Variants in SUGCT observed in about 807,000 individuals in gnomAD.
SUGCT encodes the protein succinyl-CoA:glutarate CoA-transferase.
A neutral mutation model predicts 55.0 loss-of-function variants in SUGCT; 41 were observed. That is an observed-to-expected ratio of 0.74 (90% CI 0.58 to 0.97). The LOEUF (loss-of-function observed/expected upper bound fraction) is 0.97, where lower values mean the gene tolerates loss of function less well. Ranked by LOEUF, SUGCT falls within the 50% of genes least tolerant of loss-of-function variation. The probability of loss-of-function intolerance (pLI) is 0.00; values close to 1 mark genes in which losing one functional copy is unlikely to be tolerated. For missense variants in SUGCT, 568 were observed against 547.8 expected (o/e 1.04, Z -0.37); for synonymous variants, 187 against 200.4 (o/e 0.93, Z 0.56).
intron 9 of SUGCT, among the ~76,000 whole-genome samples, chr7:40,361,748 C>T (rs1798165756): frequency 6.6e-6 from 1 of 151,964 alleles, no homozygotes; most frequent in Non-Finnish European, 1.5e-5. Context: ...ACTGGAGATA[C>T]AGACTTGGGA....
At chr7:40,914,261 T>TTTATTTTTTTC in the SUGCT span, among the ~76,000 whole-genome samples, 20 of 81,842 alleles carry the variant, frequency 2.4e-4, no homozygotes, top group African/African-American at 7.1e-4. Context: ...ATTTTATTTA[T>TTTATTTTTTTC]TTATTTTTTT....
intron 12 of SUGCT, among the ~76,000 whole-genome samples, chr7:40,599,879 A>G (rs1016780261): frequency 6.6e-6 from 1 of 152,146 alleles, no homozygotes; most frequent in African/African-American, 2.4e-5. Context: ...CAGCATTCAA[A>G]GAACCGGCAC....
chr7:40,763,759 C>G (rs1788648807), intron 13 of SUGCT, among the ~76,000 whole-genome samples: 1 of 152,146 alleles, frequency 6.6e-6, no homozygotes, highest in African/African-American at 2.4e-5. Flanking sequence ...ATTATAACTT[C>G]TCTTTGTGGT....
chr7:40,476,804 C>CTT (rs59726430), intron 11 of SUGCT, among the ~76,000 whole-genome samples: 23 of 144,266 alleles, frequency 1.6e-4, no homozygotes, highest in Non-Finnish European at 2.4e-4. Flanking sequence ...AGTTCTCATT[C>CTT]TTTTTTTTTT....
chr7:40,512,811 A>G (rs1272492057), intron 12 of SUGCT, among the ~76,000 whole-genome samples: 3 of 152,174 alleles, frequency 2.0e-5, no homozygotes, highest in African/African-American at 7.2e-5. Context: ...GCCAGAGGAT[A>G]GAGTGCAGAT....
chr7:40,654,636 T>C (rs960988199), intron 12 of SUGCT, among the ~76,000 whole-genome samples: 3 of 152,204 alleles, frequency 2.0e-5, no homozygotes, highest in African/African-American at 7.2e-5. Flanking sequence ...CACTATATGC[T>C]TCACACACAC....
intron 13 of SUGCT, among the ~76,000 whole-genome samples, chr7:40,853,076 C>CAAAA (rs60985337): frequency 1.1e-5 from 1 of 95,186 alleles, no homozygotes; most frequent in Non-Finnish European, 2.2e-5. Flanking sequence ...CACAACACTT[C>CAAAA]AAAAAAAAAA....
chr7:40,906,330 A>G, the SUGCT span, among the ~76,000 whole-genome samples: 1 of 152,098 alleles, frequency 6.6e-6, no homozygotes. Flanking sequence ...GCTTCATCCA[A>G]ATCAGAGAGA....
At chr7:40,581,816 C>T (rs73308291) in intron 12 of SUGCT, among the ~76,000 whole-genome samples, 13,805 of 152,120 alleles carry the variant, frequency 0.091, 671 homozygotes, top group Middle Eastern at 0.12. Flanking sequence ...GAAAAGTCCA[C>T]CTGGAAAGTG....
At chr7:40,209,762 C>T (rs1021974669) in intron 6 of SUGCT, among the ~76,000 whole-genome samples, 7 of 152,182 alleles carry the variant, frequency 4.6e-5, no homozygotes, top group African/African-American at 1.7e-4. Flanking sequence ...TGCCACTGCA[C>T]TCCAGCCTGG....
At chr7:40,846,374 GAA>G (rs3052686) in intron 13 of SUGCT, among the ~76,000 whole-genome samples, 62 of 141,398 alleles carry the variant, frequency 4.4e-4, no homozygotes, top group Non-Finnish European at 6.4e-4. Context: ...ACTAGTGTTG[GAA>G]AAAAAAAAAA....
chr7:40,354,054 C>T (rs1797770164), intron 9 of SUGCT, among the ~76,000 whole-genome samples: 1 of 152,114 alleles, frequency 6.6e-6, no homozygotes, highest in Non-Finnish European at 1.5e-5. Context: ...TCTGTTTTGC[C>T]TCCCCCCGCA....
chr7:40,158,022 C>T (rs1001059013), intron 1 of SUGCT, among the ~76,000 whole-genome samples: 2 of 151,772 alleles, frequency 1.3e-5, no homozygotes, highest in African/African-American at 4.8e-5. Context: ...GCCTGGCCAA[C>T]ATGGTGGAAT....
chr7:40,408,266 C>G (rs1786488518), intron 9 of SUGCT, among the ~76,000 whole-genome samples: 1 of 152,060 alleles, frequency 6.6e-6, no homozygotes, highest in African/African-American at 2.4e-5. Context: ...AGTTACTTTT[C>G]TAGAGATACT....
At chr7:40,853,982 T>A (rs1198919758) in intron 13 of SUGCT, among the ~76,000 whole-genome samples, 1 of 152,226 alleles carries the variant, frequency 6.6e-6, no homozygotes, top group Non-Finnish European at 1.5e-5. Context: ...ATAGACAATT[T>A]AATGCTAAGA....
chr7:40,265,627 T>C (rs1562626953), intron 7 of SUGCT, among the ~76,000 whole-genome samples: 1 of 152,098 alleles, frequency 6.6e-6, no homozygotes, highest in East Asian at 1.9e-4. Context: ...AATTTTGTGA[T>C]TTAAGAGATC....
At chr7:40,318,744 C>T (rs1278987464) in intron 9 of SUGCT, among the ~76,000 whole-genome samples, 1 of 152,204 alleles carries the variant, frequency 6.6e-6, no homozygotes, top group East Asian at 1.9e-4. Flanking sequence ...GCCTGGCCTT[C>T]AGCCTTTTAT....
At chr7:40,617,920 G>A (rs2151785751) in intron 12 of SUGCT, among the ~76,000 whole-genome samples, 1 of 151,920 alleles carries the variant, frequency 6.6e-6, no homozygotes, top group Non-Finnish European at 1.5e-5. Flanking sequence ...TTTTCTTTTT[G>A]TTTTAATTGC....
chr7:40,455,341 C>G (rs572968875), intron 10 of SUGCT, among the ~76,000 whole-genome samples: 55 of 152,038 alleles, frequency 3.6e-4, no homozygotes, highest in African/African-American at 1.1e-3. Context: ...CTAAGTCATT[C>G]AAAAATATCA....
Sources: allele counts gnomAD v4.1 joint callset (sites outside exome capture counted in the v4.1 genomes callset), GRCh38; gene constraint gnomAD v4.1.1; transcripts MANE v1.5; gene names NCBI Gene and HGNC (gene_info 2026-07-23, HGNC 2026-07-21).